Variants in PPFIA3 observed in about 807,000 individuals in gnomAD.
PPFIA3 encodes the protein liprin-alpha-3.
PPFIA3 carries 26 observed loss-of-function variants against 145.8 expected under a neutral mutation model. The ratio of observed to expected loss-of-function variants is 0.18; its 90% CI spans 0.13 to 0.25. PPFIA3 has a LOEUF of 0.25. Among genes scored for constraint, PPFIA3 ranks in the 10% least tolerant of loss-of-function variants. The probability of loss-of-function intolerance (pLI) is 1.00; values close to 1 mark genes in which losing one functional copy is unlikely to be tolerated. For missense variants in PPFIA3, 1,008 were observed against 1,587.8 expected, an observed-to-expected ratio of 0.63 and a Z score of 6.21; for synonymous variants, 645 against 661.4, an observed-to-expected ratio of 0.98 and a Z score of 0.38.
rs969268342 is a variant in PPFIA3 at position 49,130,366 on chromosome 19, C to G, written c.658-12C>G. ...CACTCTGGGATCTTGTCCCCTCCTT[C>G]CCTCACTCCAGACTCTTGCCAATGG... On this transcript the variant is annotated splice_polypyrimidine_tract_variant and intron_variant, in intron 6 of 29. Transcript: ENST00000334186. The surrounding 1 kb of genome is among the most constrained non-coding windows in gnomAD (Gnocchi z 4.5). 4 of 1,584,752 alleles carry G rather than the reference C, an allele frequency of 2.5e-6. No homozygotes were observed. The highest frequency in any genetic ancestry group is 3.4e-6 in the Non-Finnish European group (4 of 1,163,222).
intron 28 of PPFIA3, 47 bp from the exon 29 acceptor site, chr19:49,150,033 A>G: frequency 6.4e-7 from 1 of 1,572,078 alleles, no homozygotes; most frequent in Non-Finnish European, 8.7e-7. Context: ...GGAGAGGAAC[A>G]GGGAGGAGGG....
intron 5 of PPFIA3, 80 bp downstream of exon 5, chr19:49,129,534 T>G (rs1600329111): frequency 2.1e-4 from 298 of 1,446,408 alleles, no homozygotes; most frequent in Non-Finnish European, 2.6e-4. Flanking sequence ...GCCGGTTGGG[T>G]GGGTTCCAGA....
chr19:49,135,203 G>A (rs1195075674), intron 13 of PPFIA3, among the ~76,000 whole-genome samples: 1 of 151,352 alleles, frequency 6.6e-6, no homozygotes. Context: ...CACCACAGCC[G>A]GCTAATTTTT....
At chr19:49,141,697 G>T (rs934815004) in intron 19 of PPFIA3, among the ~76,000 whole-genome samples, 184 bp downstream of exon 19, 7 of 151,778 alleles carry the variant, frequency 4.6e-5, no homozygotes, top group Non-Finnish European at 8.8e-5. Context: ...AGGTGTCCGT[G>T]ATCCTGAACT....
chr19:49,130,732 T>G lies in PPFIA3; in HGVS notation c.879+133T>G. The G allele has an allele frequency of 1.3e-6, 1 of 766,054 alleles. No homozygotes were observed. Among genetic ancestry groups the G allele is most frequent in the Non-Finnish European group, 2.1e-6 (1 of 485,676 alleles). The allele number at this position is 766,054 out of a possible 1,614,324, so 47.5% of individuals were successfully genotyped here. ...GGTGACTCCTCTTTGAGATTCAGTT[T>G]TCCCACCTGTGAAAGGAAATGTATG... On this transcript the variant is annotated intron_variant, in intron 7 of 29. Transcript: ENST00000334186. This position sits in a 1 kb window ranked among gnomAD's most constrained non-coding sequence, Gnocchi z 4.5.
chr19:49,136,485 A>G (rs1409621278), intron 14 of PPFIA3, among the ~76,000 whole-genome samples: 1 of 152,218 alleles, frequency 6.6e-6, no homozygotes, highest in Admixed American at 6.5e-5. Context: ...GCTACTCAGG[A>G]GACTGAGGCA....
chr19:49,127,802 G>C lies in PPFIA3; in HGVS notation c.-15-57G>C. On this transcript the variant is annotated intron_variant, in intron 1 of 29. Coordinates refer to ENST00000334186, the MANE Select transcript of PPFIA3 (RefSeq NM_003660.4). ...GTGGTATCCGAGTGGCTGTGCCTCAGTTTCTCTGTTGTGCCTTGACAAGGC... is the reference window on the plus strand; with the variant it reads ...GTGGTATCCGAGTGGCTGTGCCTCACTTTCTCTGTTGTGCCTTGACAAGGC... 25 of 1,563,608 alleles carry C rather than the reference G, an allele frequency of 1.6e-5. No homozygotes were observed. In the South Asian group the frequency reaches 2.4e-4, roughly 15 times the overall value.
Position 49,134,684 on chromosome 19 carries a change from G to C in PPFIA3, c.1423G>C (p.Glu475Gln). 3 of 1,614,060 alleles carry C rather than the reference G, an allele frequency of 1.9e-6. No individual in the cohort carries two copies. Among genetic ancestry groups the C allele is most frequent in the Non-Finnish European group, 2.5e-6 (3 of 1,180,012 alleles). ...AGCCAACATGAAGAAGCTTCAGGAT[G>C]AGTTGCTGCTAAACAAGGTAGGGGG... The part of the protein sequence containing the change: ...EIANMKKLQD[E>Q]LLLNKEQLLA... The change falls in exon 12 of 30, where the codon GAG (glutamate) becomes CAG (glutamine). Residue 475 changes from glutamate (E) to glutamine (Q), a missense_variant. Physicochemically the swap from Glu to Gln is conservative, Grantham distance 29 (BLOSUM62 2). Around this residue, in one of 11 missense-constraint regions of PPFIA3, gnomAD observed 21 missense variants for 46.4 expected, o/e 0.45. Coordinates refer to ENST00000334186, the MANE Select transcript of PPFIA3 (RefSeq NM_003660.4).
rs759603477 is a variant in PPFIA3, at chr19:49,127,849, C to T, written c.-15-10C>T. ...AGGCCGGTCTGTTCCTTGCCCTCCC[C>T]GCCCCGCAGGCCCGCACCGCCGCCA... On this transcript the variant is annotated splice_polypyrimidine_tract_variant and intron_variant, in intron 1 of 29. Transcript: ENST00000334186. The T allele has an allele frequency of 1.3e-6, 2 of 1,588,266 alleles. No individual in the cohort carries two copies. The highest frequency in any genetic ancestry group is 2.3e-5 in the East Asian group (1 of 44,146).
rs1306833539 is a variant in PPFIA3 at position 49,133,627 on chromosome 19, G to T, written c.1162-169G>T. ...CCTGGAACCTGAGAGGGAAGGAACA[G>T]GTCCTGAAAAAGTGGACTAGGCGCA... On this transcript the variant is annotated intron_variant, in intron 9 of 29. Coordinates refer to ENST00000334186, the MANE Select transcript of PPFIA3 (RefSeq NM_003660.4). The surrounding 1 kb of genome is among the most constrained non-coding windows in gnomAD (Gnocchi z 7.2). Among the ~76,000 whole-genome samples the T allele has an allele frequency of 6.6e-6, 1 of 152,158 alleles. No individual in the cohort carries two copies. The highest frequency in any genetic ancestry group is 1.5e-5 in the Non-Finnish European group (1 of 68,010).
At position 49,142,951 on chromosome 19, in the gene PPFIA3, A is replaced by G. The variant is rs2122629423; in HGVS notation, c.2692A>G (p.Ile898Val). ...PLHRLKLRLA[I>V]QEMVSLTSPS... ...GCACCGACTCAAGCTACGCCTCGCC[A>G]TCCAGGAGATGGTCTCGCTCACCTC... The change falls in exon 21 of 30, where the codon ATC becomes GTC. Residue 898 changes from isoleucine to valine, a missense_variant. Physicochemically the swap from Ile to Val is conservative, Grantham distance 29 (BLOSUM62 3). Transcript: ENST00000334186. 1 of 1,613,072 alleles carries G rather than the reference A, an allele frequency of 6.2e-7. No homozygotes were observed. The highest frequency in any genetic ancestry group is 8.5e-7 in the Non-Finnish European group (1 of 1,179,968).
In PPFIA3 at chr19:49,129,316, C is replaced by A. The variant is rs2041040591; in HGVS notation, c.508-64C>A. ...GATCCGTCCCAGGGGTGTTCTGGACCAGGGGCAACTGTCCTAAACTGGATC... is the reference window on the plus strand; with the variant it reads ...GATCCGTCCCAGGGGTGTTCTGGACAAGGGGCAACTGTCCTAAACTGGATC... On this transcript the variant is annotated intron_variant, in intron 4 of 29. Coordinates refer to ENST00000334186, the MANE Select transcript of PPFIA3 (RefSeq NM_003660.4). 2.7e-6 allele frequency: 4 copies of A among 1,508,540 alleles called. No individual in the cohort carries two copies. In the Admixed American group the frequency reaches 8.0e-5, roughly 30 times the overall value. The allele number at this position is 1,508,540 out of a possible 1,614,324, so 93.4% of individuals were successfully genotyped here.
intron 23 of PPFIA3, among the ~76,000 whole-genome samples, chr19:49,147,331 C>G (rs1396114006): frequency 6.6e-6 from 1 of 152,040 alleles, no homozygotes; most frequent in Non-Finnish European, 1.5e-5. Flanking sequence ...GCAGGAGGAC[C>G]GCTTGAGCCC....
At chr19:49,137,589 C>T (rs964189038) in intron 15 of PPFIA3, among the ~76,000 whole-genome samples, 1 of 125,536 alleles carries the variant, frequency 8.0e-6, no homozygotes, top group African/African-American at 3.1e-5. Context: ...GAGATAGTGC[C>T]ATGCACTCCA....
intron 1 of PPFIA3, 117 bp from the exon 2 acceptor site, chr19:49,127,742 G>A (rs894120837): frequency 7.8e-5 from 95 of 1,219,848 alleles, no homozygotes; most frequent in Non-Finnish European, 1.0e-4. Context: ...TTTCTTCTGT[G>A]CAGTGCTTGG....
At chr19:49,141,677 T>A (rs192167490) in intron 19 of PPFIA3, among the ~76,000 whole-genome samples, 164 bp downstream of exon 19, 3 of 151,826 alleles carry the variant, frequency 2.0e-5, no homozygotes, top group African/African-American at 7.2e-5. Flanking sequence ...GGGAATTCAA[T>A]GCTGGGAGGA....
Position 49,142,056 on chromosome 19 carries a change from T to C in PPFIA3, c.2485T>C (p.Cys829Arg). The C allele has an allele frequency of 6.4e-7, 1 of 1,573,550 alleles. No homozygotes were observed. The highest frequency in any genetic ancestry group is 8.6e-7 in the Non-Finnish European group (1 of 1,159,132). ...CAGGCATGAACTCCTGGAGGAGGCCTGCCGCCAGGGCCTACCTTTTGCTGC... is the reference window on the plus strand; with the variant it reads ...CAGGCATGAACTCCTGGAGGAGGCCCGCCGCCAGGGCCTACCTTTTGCTGC... ...KRKHELLEEACRQGLPFAAWD... is the reference protein window; with the variant it reads ...KRKHELLEEARRQGLPFAAWD... Residue 829 changes from cysteine to arginine, a missense_variant, in exon 20 of 30, where the codon TGC (cysteine) becomes CGC (arginine). Physicochemically the swap from Cys to Arg is radical, Grantham distance 180 (BLOSUM62 -3). This residue lies in a region of PPFIA3 where 154 missense variants were observed against 369.2 expected (regional missense o/e 0.42). Coordinates refer to ENST00000334186, the MANE Select transcript of PPFIA3 (RefSeq NM_003660.4).
intron 19 of PPFIA3, 70 bp downstream of exon 19, chr19:49,141,583 C>CGTGTGTGTGGGTGTGTGTGCGTGT (rs112961847): frequency 8.2e-7 from 1 of 1,215,806 alleles, no homozygotes; most frequent in African/African-American, 1.5e-5. Flanking sequence ...TGTGTGTGTG[C>CGTGTGTGTGGGTGTGTGTGCGTGT]GTGTATGTGT....
chr19:49,136,950 G>A lies in PPFIA3; in HGVS notation c.1853+39G>A, dbSNP rs773855141. On this transcript the variant is annotated intron_variant, in intron 15 of 29. Transcript: ENST00000334186. ...CCGCCCCGGCCTGCCCTGCCCTGCCGGAGCTGACTCCACAGCCCTTCTGGC... is the reference window on the plus strand; with the variant it reads ...CCGCCCCGGCCTGCCCTGCCCTGCCAGAGCTGACTCCACAGCCCTTCTGGC... The A allele has an allele frequency of 3.4e-6, 5 of 1,453,294 alleles. 1 individual carries two copies. The highest frequency in any genetic ancestry group is 5.1e-4 in the Middle Eastern group (2 of 3,932). 90.0% of individuals were successfully genotyped at this position (1,453,294 alleles called of 1,614,324 possible).
Sources: gnomAD v4.1 joint callset for allele counts (sites outside exome capture counted in the v4.1 genomes callset) on GRCh38, gnomAD v4.1.1 for gene constraint, gnomAD v4.1.1 regional missense constraint, Gnocchi (gnomAD v3.1) non-coding constraint, MANE v1.5 for transcripts, NCBI Gene and HGNC (gene_info 2026-07-23, HGNC 2026-07-21) for gene names.